The following SCIMP variants were observed in gnomAD, a reference collection of about 807,000 sequenced individuals.
SCIMP encodes SLP adapter and CSK-interacting membrane protein.
In SCIMP, 18 loss-of-function variants were observed where a neutral mutation model predicts 22.0. The observed-to-expected ratio is 0.82, with a 90% confidence interval of 0.56 to 1.21. The LOEUF (loss-of-function observed/expected upper bound fraction) is 1.21, where lower values mean the gene tolerates loss of function less well. Among genes scored for constraint, SCIMP ranks in the 50% most tolerant of loss-of-function variants. SCIMP has a pLI of 0.00. For missense variants in SCIMP, 155 were observed against 171.2 expected (o/e 0.91, Z 0.53); for synonymous variants, 53 against 62.2 (o/e 0.85, Z 0.70).
At chr17:5,218,563 C>G (rs1431861029) in intron 3 of SCIMP, among the ~76,000 whole-genome samples, 1 of 152,168 alleles carries the variant, frequency 6.6e-6, no homozygotes, top group South Asian at 2.1e-4. Flanking sequence ...TGGTCTCGAA[C>G]TCCTGACCTC....
chr17:5,212,599 A>G (rs977245484), intron 4 of SCIMP, among the ~76,000 whole-genome samples: 3 of 152,106 alleles, frequency 2.0e-5, no homozygotes, highest in African/African-American at 4.8e-5. Context: ...GCGCCACTGC[A>G]CTCCAGCCTG....
intron 1 of SCIMP, among the ~76,000 whole-genome samples, chr17:5,232,296 C>G (rs1234847686): frequency 8.5e-6 from 1 of 117,028 alleles, no homozygotes; most frequent in Non-Finnish European, 1.7e-5. Flanking sequence ...TCTGCCAATT[C>G]TTTTGTGAGC....
chr17:5,217,073 G>A (rs888281900), intron 3 of SCIMP, among the ~76,000 whole-genome samples: 15 of 152,046 alleles, frequency 9.9e-5, no homozygotes, highest in African/African-American at 3.1e-4. Context: ...GAGCTCCACC[G>A]GCGGCTCTCA....
At chr17:5,231,591 A>G (rs2074694674) in intron 1 of SCIMP, among the ~76,000 whole-genome samples, 2 of 152,210 alleles carry the variant, frequency 1.3e-5, no homozygotes, top group Non-Finnish European at 1.5e-5. Context: ...GCTTGCACAG[A>G]TTGCCGATGT....
At chr17:5,221,440 A>G (rs373917219) in intron 2 of SCIMP, 90 bp from the exon 3 acceptor site, 2 of 962,358 alleles carry the variant, frequency 2.1e-6, no homozygotes, top group Non-Finnish European at 3.4e-6. Flanking sequence ...TTAGGGACAC[A>G]GTTAATAAAT....
intron 4 of SCIMP, 108 bp from the exon 5 acceptor site, chr17:5,211,063 A>G: frequency 1.4e-6 from 2 of 1,477,704 alleles, no homozygotes; most frequent in Non-Finnish European, 9.0e-7. Flanking sequence ...TCCCACTTCT[A>G]GTGGGCCAGA....
At chr17:5,231,234 C>G (rs1231057269) in intron 1 of SCIMP, among the ~76,000 whole-genome samples, 1 of 151,952 alleles carries the variant, frequency 6.6e-6, no homozygotes, top group East Asian at 1.9e-4. Context: ...GTGGCAGGCG[C>G]CTGTAATCCC....
intron 1 of SCIMP, 83 bp from the exon 2 acceptor site, chr17:5,223,539 G>C: frequency 3.5e-6 from 5 of 1,415,802 alleles, no homozygotes; most frequent in Non-Finnish European, 4.9e-6. Context: ...ATCTACTGTG[G>C]GTTGTTTTTT....
intron 1 of SCIMP, among the ~76,000 whole-genome samples, chr17:5,229,933 T>A (rs1044637006): frequency 6.6e-6 from 1 of 150,668 alleles, no homozygotes; most frequent in Non-Finnish European, 1.5e-5. Context: ...TCTCCTCTCC[T>A]CTTCTCTCCT....
intron 4 of SCIMP, chr17:5,213,046 G>A (rs117878619): frequency 0.016 from 9,387 of 592,180 alleles, 61 homozygotes; most frequent in Non-Finnish European, 0.017. Context: ...TCTGAAGGAT[G>A]AGGAAAATCC....
chr17:5,219,096 G>A (rs530698629), intron 3 of SCIMP, among the ~76,000 whole-genome samples: 10 of 152,178 alleles, frequency 6.6e-5, no homozygotes, highest in African/African-American at 2.4e-4. Flanking sequence ...GAGATGGGCA[G>A]ATCACGAGGT....
intron 1 of SCIMP, among the ~76,000 whole-genome samples, chr17:5,227,588 TG>T (rs1217148368): frequency 6.6e-6 from 1 of 152,032 alleles, no homozygotes; most frequent in Non-Finnish European, 1.5e-5. Context: ...AGAAGGGGCT[TG>T]GGGGCAGGAA....
chr17:5,215,728 G>T (rs1023472449), intron 3 of SCIMP, among the ~76,000 whole-genome samples: 1 of 152,126 alleles, frequency 6.6e-6, no homozygotes, highest in East Asian at 1.9e-4. Context: ...TGAAATGCTC[G>T]CATCTGTTCA....
At chr17:5,212,284 T>C (rs1205902499) in intron 4 of SCIMP, among the ~76,000 whole-genome samples, 1 of 152,210 alleles carries the variant, frequency 6.6e-6, no homozygotes, top group African/African-American at 2.4e-5. Context: ...TGTGTGACTA[T>C]AGGTAAGTCA....
At chr17:5,218,540 A>C (rs949886503) in intron 3 of SCIMP, among the ~76,000 whole-genome samples, 1 of 152,096 alleles carries the variant, frequency 6.6e-6, no homozygotes, top group African/African-American at 2.4e-5. Flanking sequence ...GGGTTTCACC[A>C]TGTTGGCCAG....
chr17:5,215,021 A>T lies in SCIMP; in HGVS notation c.210-23T>A, dbSNP rs2074555958. ...TTCCTAGAGAGAGAGAAAGAGAGAG[A>T]ATCAGTGTTTGGTTTGGGCCATGCC... On this transcript the variant is annotated intron_variant, in intron 3 of 4. Coordinates refer to ENST00000574081, the MANE Select transcript of SCIMP (RefSeq NM_207103.3). 4 of 1,542,962 alleles carry T rather than the reference A, an allele frequency of 2.6e-6. No individual in the cohort carries two copies. The East Asian group carries it at 9.0e-5, about 35-fold the overall frequency.
intron 3 of SCIMP, among the ~76,000 whole-genome samples, chr17:5,216,170 C>A (rs1014819703): frequency 1.3e-5 from 2 of 151,976 alleles, no homozygotes; most frequent in African/African-American, 2.4e-5. Flanking sequence ...CCACTGTACT[C>A]CAACCTGGTT....
chr17:5,229,071 C>T (rs1380822303), intron 1 of SCIMP, among the ~76,000 whole-genome samples: 1 of 152,200 alleles, frequency 6.6e-6, no homozygotes, highest in East Asian at 1.9e-4. Flanking sequence ...GGCCAAGAGG[C>T]TGGCTGGGAA....
intron 4 of SCIMP, 129 bp from the exon 5 acceptor site, chr17:5,211,084 A>G (rs1567836478): frequency 7.1e-7 from 1 of 1,413,036 alleles, no homozygotes; most frequent in Non-Finnish European, 9.3e-7. Context: ...TCCCCATTTT[A>G]CAGAGGAAAT....
Sources: gnomAD v4.1 joint callset for allele counts (sites outside exome capture counted in the v4.1 genomes callset) on GRCh38, gnomAD v4.1.1 for gene constraint, MANE v1.5 for transcripts, NCBI Gene and HGNC (gene_info 2026-07-23, HGNC 2026-07-21) for gene names.